PDE10A: variants seen among roughly 807,000 people sequenced by gnomAD.
The protein encoded by PDE10A is cAMP and cAMP-inhibited cGMP 3',5'-cyclic phosphodiesterase 10A.
A neutral mutation model predicts 97.7 loss-of-function variants in PDE10A; 39 were observed. The observed-to-expected ratio is 0.40, with a 90% CI of 0.31 to 0.52. The LOEUF (loss-of-function observed/expected upper bound fraction) is 0.52, where lower values mean the gene tolerates loss of function less well. Among genes scored for constraint, PDE10A ranks in the 20% least tolerant of loss-of-function variants. The pLI, the probability that PDE10A is intolerant of heterozygous loss-of-function variation, is 0.56. For synonymous variants in PDE10A, 371 were observed against 376.8 expected, an observed-to-expected ratio of 0.98 and a Z score of 0.18; for missense variants, 731 against 1,047.8, an observed-to-expected ratio of 0.70 and a Z score of 4.17.
intron 1 of PDE10A, among the ~76,000 whole-genome samples, chr6:165,620,176 C>G (rs1165488279): frequency 6.6e-6 from 1 of 152,252 alleles, no homozygotes; most frequent in East Asian, 1.9e-4. Context: ...ACTCCACTTC[C>G]GGGCCACGAT....
chr6:165,336,024 A>C (rs1268435459), intron 21 of PDE10A, 99 bp downstream of exon 21: 3 of 961,856 alleles, frequency 3.1e-6, no homozygotes, highest in Non-Finnish European at 5.0e-6. Context: ...CATCTAGACA[A>C]ACACACAGAC....
At chr6:165,693,555 G>A (rs4709969) in intron 1 of PDE10A, among the ~76,000 whole-genome samples, 11,411 of 107,214 alleles carry the variant, frequency 0.11, 782 homozygotes, top group East Asian at 0.34. Flanking sequence ...AAAAAAAACC[G>A]AGTGCACTGA....
chr6:165,553,049 A>C (rs1332087266), intron 1 of PDE10A, among the ~76,000 whole-genome samples: 1 of 152,160 alleles, frequency 6.6e-6, no homozygotes, highest in Non-Finnish European at 1.5e-5. Flanking sequence ...CAAAGCCTAC[A>C]TGAGATTCTT....
chr6:165,748,087 T>G (rs1792884653), intron 1 of PDE10A, among the ~76,000 whole-genome samples: 1 of 152,172 alleles, frequency 6.6e-6, no homozygotes, highest in Non-Finnish European at 1.5e-5. Context: ...GGAACATGCC[T>G]GCTCACAGGA....
At chr6:165,579,912 G>A (rs1039755643) in intron 1 of PDE10A, among the ~76,000 whole-genome samples, 2 of 152,054 alleles carry the variant, frequency 1.3e-5, no homozygotes, top group African/African-American at 2.4e-5. Flanking sequence ...AAATGTCACC[G>A]TCTCAAATGA....
At chr6:165,627,008 T>G (rs934237047) in intron 1 of PDE10A, among the ~76,000 whole-genome samples, 4 of 152,214 alleles carry the variant, frequency 2.6e-5, no homozygotes, top group Admixed American at 2.6e-4. Context: ...CAGGAGAAAA[T>G]GATATTCACT....
intron 13 of PDE10A, 80 bp from the exon 14 acceptor site, chr6:165,396,539 G>T: frequency 7.2e-7 from 1 of 1,393,538 alleles, no homozygotes; most frequent in Non-Finnish European, 9.8e-7. Context: ...TCAGAATTTG[G>T]TATTAAAGAA....
At chr6:165,597,081 A>G (rs1416470511) in intron 1 of PDE10A, among the ~76,000 whole-genome samples, 1 of 152,002 alleles carries the variant, frequency 6.6e-6, no homozygotes, top group East Asian at 1.9e-4. Flanking sequence ...CTTATCAACA[A>G]TCTGACACAC....
chr6:165,763,979 G>T (rs1277641574), intron 1 of PDE10A, among the ~76,000 whole-genome samples: 1 of 152,196 alleles, frequency 6.6e-6, no homozygotes, highest in Non-Finnish European at 1.5e-5. Context: ...CTTTACACAT[G>T]AAGAAACGGG....
At chr6:165,463,266 T>C (rs1288411316) in intron 3 of PDE10A, among the ~76,000 whole-genome samples, 1 of 152,222 alleles carries the variant, frequency 6.6e-6, no homozygotes, top group Non-Finnish European at 1.5e-5. Context: ...TGGCTCATTG[T>C]AGGAGCTAAA....
chr6:165,707,313 C>A (rs1471366224), intron 1 of PDE10A, among the ~76,000 whole-genome samples: 1 of 152,186 alleles, frequency 6.6e-6, no homozygotes, highest in African/African-American at 2.4e-5. Flanking sequence ...ACGGGCTGAG[C>A]CTGCTCAGAC....
intron 1 of PDE10A, among the ~76,000 whole-genome samples, chr6:165,852,038 T>G (rs778079595): frequency 6.6e-5 from 10 of 152,244 alleles, no homozygotes; most frequent in Non-Finnish European, 1.3e-4. Flanking sequence ...AGAATCCACA[T>G]TCTGCTTAAT....
chr6:165,910,502 C>T (rs1583272790), intron 1 of PDE10A, among the ~76,000 whole-genome samples: 1 of 152,120 alleles, frequency 6.6e-6, no homozygotes. Context: ...AACAATACTG[C>T]CAGAATAAAA....
intron 1 of PDE10A, among the ~76,000 whole-genome samples, chr6:165,605,986 A>T (rs1261166059): frequency 6.6e-6 from 1 of 152,018 alleles, no homozygotes; most frequent in African/African-American, 2.4e-5. Flanking sequence ...ATGGACAGGG[A>T]TTATTTCTGA....
upstream of PDE10A, among the ~76,000 whole-genome samples, chr6:165,667,205 T>A (rs1023879621): frequency 6.6e-6 from 1 of 152,230 alleles, no homozygotes; most frequent in Admixed American, 6.5e-5. Context: ...AAATTGTTTT[T>A]ATTTATTTTT....
At chr6:165,526,630 A>G (rs1056668312) in intron 2 of PDE10A, among the ~76,000 whole-genome samples, 2 of 152,232 alleles carry the variant, frequency 1.3e-5, no homozygotes, top group African/African-American at 4.8e-5. Context: ...TGCAGAAGTC[A>G]GACGGATCTT....
chr6:165,936,048 T>C (rs774839326), intron 1 of PDE10A, among the ~76,000 whole-genome samples: 2 of 152,234 alleles, frequency 1.3e-5, no homozygotes, highest in Non-Finnish European at 2.9e-5. Flanking sequence ...TCCGGATGGA[T>C]TCCAGATTTT....
chr6:165,565,601 CAA>C (rs1456613945), intron 1 of PDE10A, among the ~76,000 whole-genome samples: 1 of 151,998 alleles, frequency 6.6e-6, no homozygotes, highest in Non-Finnish European at 1.5e-5. Context: ...TATTGAGAGA[CAA>C]AAGTCTCACA....
Position 165,430,364 on chromosome 6 carries a change from G to C in PDE10A, c.1543-19C>G. 1 of 1,489,046 alleles carries C rather than the reference G, an allele frequency of 6.7e-7. No individual in the cohort carries two copies. 92.2% of individuals were successfully genotyped at this position (1,489,046 alleles called of 1,614,324 possible). A position where few individuals can be genotyped will look rare whatever the true frequency, so the allele number is the denominator to read the frequency against. On this transcript the variant is annotated intron_variant, in intron 8 of 21. Coordinates refer to ENST00000539869, the MANE Select transcript of PDE10A (RefSeq NM_001385079.1). ...TGCATACCTACCATATAAAATAATA[G>C]GTACAATTACAAGAGATTTCTGCTT...
Sources: gnomAD v4.1 joint callset for allele counts (sites outside exome capture counted in the v4.1 genomes callset) on GRCh38, gnomAD v4.1.1 for gene constraint, MANE v1.5 for transcripts, NCBI Gene and HGNC (gene_info 2026-07-23, HGNC 2026-07-21) for gene names.